The following PCDHGA4 variants were observed in gnomAD, a reference collection of about 807,000 sequenced individuals.
PCDHGA4 encodes protocadherin gamma subfamily A, 4.
PCDHGA4 carries 38 observed loss-of-function variants against 54.6 expected under a neutral mutation model. That is an observed-to-expected ratio of 0.70 (90% confidence interval 0.54 to 0.91). The LOEUF is 0.91. Among genes scored for constraint, PCDHGA4 ranks in the 40% least tolerant of loss-of-function variants. The pLI, the probability that PCDHGA4 is intolerant of heterozygous loss-of-function variation, is 0.00. For synonymous variants in PCDHGA4, 511 were observed against 512.9 expected (o/e 1.00, Z 0.05); for missense variants, 1,298 against 1,220.9 (o/e 1.06, Z -0.94).
intron 1 of PCDHGA4, chr5:141,389,727 T>C (rs1176419914): frequency 4.3e-6 from 7 of 1,612,724 alleles, no homozygotes; most frequent in Non-Finnish European, 5.9e-6. Context: ...GCCCGGGCTC[T>C]TCAGCCTGGG....
chr5:141,389,576 G>C, intron 1 of PCDHGA4: 1 of 1,613,196 alleles, frequency 6.2e-7, no homozygotes, highest in East Asian at 2.2e-5. Context: ...TGTACCCCGC[G>C]CTGGGTCCCG....
At chr5:141,427,082 C>T (rs1335319344) in intron 1 of PCDHGA4, 1 of 458,118 alleles carries the variant, frequency 2.2e-6, no homozygotes, top group Admixed American at 2.3e-5. Flanking sequence ...CAGCCACTGA[C>T]CAGGATGAGG....
intron 1 of PCDHGA4, chr5:141,370,471 A>G (rs773034189): frequency 3.1e-6 from 5 of 1,613,570 alleles, no homozygotes; most frequent in Non-Finnish European, 4.2e-6. Flanking sequence ...TCTTTGTTAG[A>G]CCAGGCTCTC....
Position 141,356,561 on chromosome 5 carries a change from A to T in PCDHGA4, c.1454A>T (p.His485Leu). Residue 485 changes from histidine to leucine, a missense_variant, in exon 1 of 4, where the codon CAT becomes CTT. His to Leu is a moderately conservative substitution (Grantham distance 99). Coordinates refer to ENST00000571252, the MANE Select transcript of PCDHGA4 (RefSeq NM_018917.4). Reference sequence around the variant, plus strand: ...AATGACAACCCACCCACTTTCCCTCATGCTTCCTACTCTGCTTACATTCCT... The same window carrying T: ...AATGACAACCCACCCACTTTCCCTCTTGCTTCCTACTCTGCTTACATTCCT... ...DINDNPPTFP[H>L]ASYSAYIPEN... 1 of 1,614,016 alleles carries T rather than the reference A, an allele frequency of 6.2e-7. No individual in the cohort carries two copies. The highest frequency in any genetic ancestry group is 1.7e-5 in the Admixed American group (1 of 59,998).
chr5:141,459,609 T>C (rs939880462), intron 1 of PCDHGA4, among the ~76,000 whole-genome samples: 1 of 152,230 alleles, frequency 6.6e-6, no homozygotes, highest in African/African-American at 2.4e-5. Context: ...AAGTATATGC[T>C]TAACTTTATA....
rs756761584 is a variant in PCDHGA4 at position 141,476,545 on chromosome 5, G to A, written c.2515-18262G>A. 13 of 1,614,230 alleles carry A rather than the reference G, an allele frequency of 8.1e-6. No homozygotes were observed. The Admixed American group carries it at 2.2e-4, about 27-fold the overall frequency. On this transcript the variant is annotated intron_variant, in intron 1 of 3. Coordinates refer to ENST00000571252, the MANE Select transcript of PCDHGA4 (RefSeq NM_018917.4). This position sits in a 1 kb window ranked among gnomAD's most constrained non-coding sequence, Gnocchi z 7.6. ...TCCCTACCCAGGAAATGAAATTGGA[G>A]ATTAGCGAGGCCGTGGCTCCGGGGA...
chr5:141,476,850 A>C lies in PCDHGA4; in HGVS notation c.2515-17957A>C, dbSNP rs747333239. Reference sequence around the variant, plus strand: ...GCGAATGACAATGCGCCTGTCTTCAACCAGTCCTTGTACCGGGCGCGCGTC... The same window carrying C: ...GCGAATGACAATGCGCCTGTCTTCACCCAGTCCTTGTACCGGGCGCGCGTC... On this transcript the variant is annotated intron_variant, in intron 1 of 3. Transcript: ENST00000571252. The surrounding 1 kb of genome is among the most constrained non-coding windows in gnomAD (Gnocchi z 7.6). The C allele has an allele frequency of 5.6e-6, 9 of 1,613,718 alleles. No individual in the cohort carries two copies. Among genetic ancestry groups the C allele is most frequent in the Non-Finnish European group, 7.6e-6 (9 of 1,180,054 alleles).
chr5:141,414,751 T>C (rs2095785645), intron 1 of PCDHGA4: 4 of 1,614,084 alleles, frequency 2.5e-6, no homozygotes, highest in Non-Finnish European at 1.7e-6. Flanking sequence ...ATCCTTCGAC[T>C]ATGAGCAGTT....
At chr5:141,441,308 C>T (rs984341964) in intron 1 of PCDHGA4, 2 of 152,164 alleles carry the variant, frequency 1.3e-5, no homozygotes, top group African/African-American at 2.4e-5. Flanking sequence ...TAAGAAAATG[C>T]ACCTTGAGAA....
intron 3 of PCDHGA4, among the ~76,000 whole-genome samples, chr5:141,506,011 C>T (rs1209221520): frequency 6.6e-6 from 1 of 152,204 alleles, no homozygotes; most frequent in Non-Finnish European, 1.5e-5. Flanking sequence ...TCCTCTTTTG[C>T]TGCCCCTAAC....
chr5:141,408,133 T>A, intron 1 of PCDHGA4: 5 of 1,483,848 alleles, frequency 3.4e-6, no homozygotes, highest in Non-Finnish European at 4.5e-6. Context: ...GGCCGAATGC[T>A]CTTTTAGCGC....
At chr5:141,423,257 G>A in intron 1 of PCDHGA4, 2 of 1,613,946 alleles carry the variant, frequency 1.2e-6, no homozygotes, top group Non-Finnish European at 1.7e-6. Context: ...GCGGACCTCG[G>A]CAGCCTCGAG....
At chr5:141,408,164 A>C (rs2095051548) in intron 1 of PCDHGA4, 1 of 1,520,458 alleles carries the variant, frequency 6.6e-7, no homozygotes, top group African/African-American at 1.4e-5. Context: ...ACTTTCTCCA[A>C]CTGGAAAAGC....
rs770630741 is a variant in PCDHGA4, at chr5:141,381,826, C to CTTTTT, written c.2514+24223_2514+24227dup. On this transcript the variant is annotated intron_variant, in intron 1 of 3. Coordinates refer to ENST00000571252, the MANE Select transcript of PCDHGA4 (RefSeq NM_018917.4). ...TTTCTTTCTTTCTTTCTTTCTTCTT[C>CTTTTT]TTTTTTTTTTTTTTTTTTTTTTGGC... Among the ~76,000 whole-genome samples, 477 of 74,206 alleles carry CTTTTT rather than the reference C, an allele frequency of 6.4e-3. 7 individuals are homozygous for CTTTTT. Among genetic ancestry groups the CTTTTT allele is most frequent in the African/African-American group, 7.2e-3 (117 of 16,174 alleles). The allele number at this position is 74,206 out of a possible 152,430, so 48.7% of individuals were successfully genotyped here.
intron 1 of PCDHGA4, among the ~76,000 whole-genome samples, chr5:141,359,265 G>A (rs2149806692): frequency 6.6e-6 from 1 of 152,134 alleles, no homozygotes; most frequent in African/African-American, 2.4e-5. Flanking sequence ...AATATAATTT[G>A]GAAATGCTCA....
Position 141,431,199 on chromosome 5 carries a change from C to T in PCDHGA4, c.2515-63608C>T. 1 of 1,614,194 alleles carries T rather than the reference C, an allele frequency of 6.2e-7. No homozygotes were observed. Among genetic ancestry groups the T allele is most frequent in the East Asian group, 2.2e-5 (1 of 44,890 alleles). ...GAAATAAAAATTAGTGAAAATGCAG[C>T]CACTGAGATGCGGTTCCCTCTACCC... On this transcript the variant is annotated intron_variant, in intron 1 of 3. Transcript: ENST00000571252. This position sits in a 1 kb window ranked among gnomAD's most constrained non-coding sequence, Gnocchi z 4.8.
chr5:141,365,083 T>G (rs1763725289), intron 1 of PCDHGA4: 1 of 1,613,804 alleles, frequency 6.2e-7, no homozygotes, highest in Non-Finnish European at 8.5e-7. Context: ...GCGTGAGTGT[T>G]CCAGAGAACA....
At chr5:141,494,979 T>C in intron 2 of PCDHGA4, 114 bp downstream of exon 2, 1 of 1,571,464 alleles carries the variant, frequency 6.4e-7, no homozygotes, top group Admixed American at 1.8e-5. Flanking sequence ...TCCCTCAGTT[T>C]GAGATCCCAG....
rs114847835 is a variant in PCDHGA4, at chr5:141,486,500, C to T, written c.2515-8307C>T. The T allele has an allele frequency of 6.2e-6, 10 of 1,614,008 alleles. No homozygotes were observed. The East Asian group carries it at 1.8e-4, about 29-fold the overall frequency. On this transcript the variant is annotated intron_variant, in intron 1 of 3. Coordinates refer to ENST00000571252, the MANE Select transcript of PCDHGA4 (RefSeq NM_018917.4). This position sits in a 1 kb window ranked among gnomAD's most constrained non-coding sequence, Gnocchi z 5.0. ...TCTCAGTACCCACAGAACTATTTTCCTCAATATTTCAGATGTGAATGATAA... is the reference window on the plus strand; with the variant it reads ...TCTCAGTACCCACAGAACTATTTTCTTCAATATTTCAGATGTGAATGATAA...
Sources: gnomAD v4.1 joint callset for allele counts (sites outside exome capture counted in the v4.1 genomes callset) on GRCh38, gnomAD v4.1.1 for gene constraint, Gnocchi (gnomAD v3.1) non-coding constraint, MANE v1.5 for transcripts, NCBI Gene and HGNC (gene_info 2026-07-23, HGNC 2026-07-21) for gene names.